The following JMJD1C variants were observed in gnomAD, a reference collection of about 807,000 sequenced individuals.
JMJD1C encodes jumonji domain containing 1C, also known as jumonji domain-containing protein 1C.
JMJD1C carries 31 observed loss-of-function variants against 245.3 expected under a neutral mutation model. That is an observed-to-expected ratio of 0.13 (90% confidence interval 0.09 to 0.17). JMJD1C has a LOEUF of 0.17. Among genes scored for constraint, JMJD1C ranks in the 10% least tolerant of loss-of-function variants. The pLI, the probability that JMJD1C is intolerant of heterozygous loss-of-function variation, is 1.00. For missense variants in JMJD1C, 2,691 were observed against 3,000.2 expected, an observed-to-expected ratio of 0.90 and a Z score of 2.41; for synonymous variants, 1,057 against 1,017.4, an observed-to-expected ratio of 1.04 and a Z score of -0.74.
chr10:63,329,829 G>C (rs914665097), intron 2 of JMJD1C, among the ~76,000 whole-genome samples: 1 of 152,206 alleles, frequency 6.6e-6, no homozygotes, highest in African/African-American at 2.4e-5. Flanking sequence ...GTAAACAACA[G>C]AAATTCTATA....
intron 1 of JMJD1C, among the ~76,000 whole-genome samples, chr10:63,484,368 G>A (rs745323879): frequency 3.3e-5 from 5 of 152,142 alleles, no homozygotes; most frequent in African/African-American, 9.7e-5. Context: ...AATGGACTTC[G>A]TATTTTTTGA....
At chr10:63,474,123 T>C (rs1022220784) in intron 1 of JMJD1C, among the ~76,000 whole-genome samples, 11 of 151,942 alleles carry the variant, frequency 7.2e-5, no homozygotes, top group Admixed American at 1.3e-4. Flanking sequence ...AATAAATAAA[T>C]AAATAACTTC....
At chr10:63,474,415 G>T (rs1341080972) in intron 1 of JMJD1C, among the ~76,000 whole-genome samples, 1 of 152,030 alleles carries the variant, frequency 6.6e-6, no homozygotes, top group Non-Finnish European at 1.5e-5. Context: ...TTTATCAAAG[G>T]ATGGGGATGA....
At position 63,197,078 on chromosome 10, in the gene JMJD1C, A is replaced by C. The variant is rs145973766; in HGVS notation, c.5644+333T>G. Among the ~76,000 whole-genome samples the C allele has an allele frequency of 7.8e-3, 1,183 of 152,130 alleles. 8 individuals carry two copies. Among genetic ancestry groups the C allele is most frequent in the Non-Finnish European group, 0.012 (828 of 67,950 alleles). ...CCAGCCTTGGCCTCCCAAAGTGCTG[A>C]GATTACAGGCATGAGCCACAGTGCC... On this transcript the variant is annotated intron_variant, in intron 13 of 25. Coordinates refer to ENST00000399262, the MANE Select transcript of JMJD1C (RefSeq NM_032776.3).
intron 1 of JMJD1C, among the ~76,000 whole-genome samples, chr10:63,502,440 C>T (rs1221775310): frequency 6.6e-6 from 1 of 152,090 alleles, no homozygotes; most frequent in Non-Finnish European, 1.5e-5. Context: ...AGTTCAAGAC[C>T]AGCCTGACCA....
At chr10:63,397,354 C>T (rs1263904686) in intron 1 of JMJD1C, among the ~76,000 whole-genome samples, 1 of 152,032 alleles carries the variant, frequency 6.6e-6, no homozygotes. Context: ...GCTGGGATTA[C>T]AGGCATGTGC....
At chr10:63,304,741 T>C (rs1353584776) in intron 2 of JMJD1C, among the ~76,000 whole-genome samples, 1 of 152,198 alleles carries the variant, frequency 6.6e-6, no homozygotes, top group East Asian at 1.9e-4. Flanking sequence ...TTGCTTTTAC[T>C]CTCTTTTAAT....
intron 1 of JMJD1C, among the ~76,000 whole-genome samples, chr10:63,418,728 G>A (rs1196622452): frequency 6.6e-6 from 1 of 152,052 alleles, no homozygotes; most frequent in Admixed American, 6.6e-5. Flanking sequence ...CATGTGGGGG[G>A]GGTTTCTGCT....
At chr10:63,242,073 A>C (rs1354813729) in intron 3 of JMJD1C, among the ~76,000 whole-genome samples, 1 of 152,238 alleles carries the variant, frequency 6.6e-6, no homozygotes, top group African/African-American at 2.4e-5. Flanking sequence ...TGAGTAAAGT[A>C]GTGATAATTT....
At chr10:63,436,933 C>T (rs1234910178) in intron 1 of JMJD1C, among the ~76,000 whole-genome samples, 1 of 152,126 alleles carries the variant, frequency 6.6e-6, no homozygotes. Context: ...CATTCAAGTT[C>T]CCCTGGACCT....
chr10:63,264,477 G>C (rs558451647), intron 3 of JMJD1C, among the ~76,000 whole-genome samples, 174 bp downstream of exon 3: 2 of 152,182 alleles, frequency 1.3e-5, no homozygotes, highest in South Asian at 2.1e-4. Context: ...ATTGTTAATT[G>C]AATTAATAAA....
chr10:63,168,662 T>C, intron 24 of JMJD1C, 96 bp from the exon 25 acceptor site: 2 of 1,105,510 alleles, frequency 1.8e-6, no homozygotes, highest in Non-Finnish European at 2.4e-6. Flanking sequence ...GAGACAATTC[T>C]GCTGGAGAAT....
chr10:63,253,395 T>G (rs1853379904), intron 3 of JMJD1C, among the ~76,000 whole-genome samples: 1 of 152,062 alleles, frequency 6.6e-6, no homozygotes, highest in African/African-American at 2.4e-5. Flanking sequence ...ACCTTTTTTT[T>G]TTTTTTGAGA....
rs1376845466 is a variant in JMJD1C, at chr10:63,208,470, C to A, written c.3199G>T (p.Asp1067Tyr). ...SSPKSHIIKQDMDVERSVSDL... is the reference protein window; with the variant it reads ...SSPKSHIIKQYMDVERSVSDL... Reference sequence around the variant, plus strand: ...GATACTGAGCGTTCTACATCCATATCTTGTTTGATGATATGGCTTTTAGGA... The same window carrying A: ...GATACTGAGCGTTCTACATCCATATATTGTTTGATGATATGGCTTTTAGGA... The change falls in exon 10 of 26, where the codon GAT (aspartate) becomes TAT (tyrosine). Residue 1067 changes from aspartate to tyrosine, a missense_variant. Asp to Tyr is a radical substitution (Grantham distance 160, BLOSUM62 -3). Coordinates refer to ENST00000399262, the MANE Select transcript of JMJD1C (RefSeq NM_032776.3). The A allele has an allele frequency of 1.2e-6, 2 of 1,613,972 alleles. No homozygotes were observed. Among genetic ancestry groups the A allele is most frequent in the Non-Finnish European group, 1.7e-6 (2 of 1,179,946 alleles).
At chr10:63,212,047 T>C (rs1054476514) in intron 8 of JMJD1C, among the ~76,000 whole-genome samples, 26 of 152,124 alleles carry the variant, frequency 1.7e-4, no homozygotes, top group Admixed American at 4.6e-4. Context: ...CTCAAGAATA[T>C]TGTAGTAAGC....
At chr10:63,349,323 AAGAC>A (rs956495003) in intron 2 of JMJD1C, among the ~76,000 whole-genome samples, 34 of 152,166 alleles carry the variant, frequency 2.2e-4, no homozygotes, top group Non-Finnish European at 4.3e-4. Context: ...CAAGTGGACT[AAGAC>A]AGTGTTTTTA....
At position 63,496,826 on chromosome 10, in the gene JMJD1C, T is replaced by G. The variant is rs1954379977; in HGVS notation, n.113+24912A>C. On this transcript the variant is annotated intron_variant and non_coding_transcript_variant, in intron 1 of 3. Transcript: ENST00000633035. The stretch of plus-strand genomic sequence containing the variant: ...AATGTGACCAGAAACGTGACATATG[T>G]CAGTTCTGAGCAAAGGCTTTAAATG... Among the ~76,000 whole-genome samples, 3 of 152,224 alleles carry G rather than the reference T, an allele frequency of 2.0e-5. No homozygotes were observed. The South Asian group carries it at 6.2e-4, about 31-fold the overall frequency.
chr10:63,483,973 T>C (rs907220194), intron 1 of JMJD1C, among the ~76,000 whole-genome samples: 6 of 152,218 alleles, frequency 3.9e-5, no homozygotes, highest in African/African-American at 1.4e-4. Context: ...GCATGAATTA[T>C]ATCATTTAGT....
chr10:63,518,965 C>T (rs1389784059), intron 1 of JMJD1C, among the ~76,000 whole-genome samples: 2 of 152,178 alleles, frequency 1.3e-5, no homozygotes, highest in Non-Finnish European at 2.9e-5. Context: ...TGTGATCACC[C>T]GCCAGTTGAG....
Sources: allele counts gnomAD v4.1 joint callset (sites outside exome capture counted in the v4.1 genomes callset), GRCh38; gene constraint gnomAD v4.1.1; transcripts MANE v1.5; gene names NCBI Gene and HGNC (gene_info 2026-07-23, HGNC 2026-07-21).